Variants in VPS39 observed in about 807,000 individuals in gnomAD.
The protein encoded by VPS39 is VPS39 subunit of HOPS complex.
In VPS39, 70 loss-of-function variants were observed where a neutral mutation model predicts 121.0. The ratio of observed to expected loss-of-function variants is 0.58; its 90% CI spans 0.48 to 0.71. VPS39 has a LOEUF of 0.71. VPS39 is among the 30% of genes least tolerant of loss of function. The probability of loss-of-function intolerance (pLI) is 0.00; values close to 1 mark genes in which losing one functional copy is unlikely to be tolerated. For missense variants in VPS39, 818 were observed against 1,051.5 expected (o/e 0.78, Z 3.07); for synonymous variants, 378 against 398.1 (o/e 0.95, Z 0.60).
At chr15:42,166,964 C>A in intron 13 of VPS39, 51 bp from the exon 14 acceptor site, 2 of 1,609,556 alleles carry the variant, frequency 1.2e-6, no homozygotes, top group South Asian at 1.1e-5. Context: ...GGAGCCCCAC[C>A]CTTCCCTGGC....
At chr15:42,197,398 C>T (rs1595682101) in intron 2 of VPS39, among the ~76,000 whole-genome samples, 1 of 123,748 alleles carries the variant, frequency 8.1e-6, no homozygotes, top group Non-Finnish European at 1.8e-5. Flanking sequence ...AAAAAAGATA[C>T]AAAAATGGGT....
At chr15:42,205,459 C>G (rs1397183465) in intron 1 of VPS39, among the ~76,000 whole-genome samples, 2 of 152,132 alleles carry the variant, frequency 1.3e-5, no homozygotes, top group African/African-American at 4.8e-5. Flanking sequence ...GCCAAGGAAA[C>G]AGCAAATGTA....
intron 19 of VPS39, among the ~76,000 whole-genome samples, chr15:42,164,070 A>T (rs187540537): frequency 5.5e-4 from 84 of 152,358 alleles, no homozygotes; most frequent in Admixed American, 5.0e-3. Flanking sequence ...ATTATGCCAG[A>T]TTACAAAAAC....
chr15:42,166,747 C>T, intron 14 of VPS39, 25 bp downstream of exon 14: 1 of 1,613,408 alleles, frequency 6.2e-7, no homozygotes, highest in Non-Finnish European at 8.5e-7. Flanking sequence ...GAGCCCCTCC[C>T]AGATCCAAGG....
chr15:42,177,154 C>A (rs1478407765), intron 10 of VPS39, among the ~76,000 whole-genome samples: 20 of 128,538 alleles, frequency 1.6e-4, no homozygotes, highest in African/African-American at 5.9e-4. Context: ...CAGAGTGAGA[C>A]CCTGTTTTAA....
At position 42,193,535 on chromosome 15, in the gene VPS39, C is replaced by T. The variant is rs558614766; in HGVS notation, c.140-1975G>A. Reference sequence around the variant, plus strand: ...CGTAAAAAAACATTGGTCTACCTTACACTTTGAATGTATTTTTTACTCATA... The same window carrying T: ...CGTAAAAAAACATTGGTCTACCTTATACTTTGAATGTATTTTTTACTCATA... On this transcript the variant is annotated intron_variant, in intron 2 of 24. Coordinates refer to ENST00000318006, the MANE Select transcript of VPS39 (RefSeq NM_015289.5). Among the ~76,000 whole-genome samples the T allele has an allele frequency of 4.6e-5, 7 of 152,052 alleles. No homozygotes were observed. The South Asian group carries it at 6.2e-4, about 14-fold the overall frequency.
chr15:42,165,296 C>T (rs368842008), intron 17 of VPS39, 183 bp from the exon 18 acceptor site: 102 of 606,560 alleles, frequency 1.7e-4, no homozygotes, highest in Middle Eastern at 8.8e-4. Context: ...GACCCAGTAA[C>T]GTGAGGAGCC....
rs565959870 is a variant in VPS39, at chr15:42,168,091, C to T, written c.1234-554G>A. Among the ~76,000 whole-genome samples the T allele has an allele frequency of 1.7e-4, 26 of 152,292 alleles. No individual in the cohort carries two copies. The South Asian group carries it at 5.4e-3, about 32-fold the overall frequency. ...CCCACCTACTGATCTGCTTTTGATCCCTGGAGATGAGTTTCTGCCTATCCT... is the reference window on the plus strand; with the variant it reads ...CCCACCTACTGATCTGCTTTTGATCTCTGGAGATGAGTTTCTGCCTATCCT... On this transcript the variant is annotated intron_variant, in intron 12 of 24. Transcript: ENST00000318006.
intron 4 of VPS39, 93 bp downstream of exon 4, chr15:42,191,032 T>G: frequency 6.9e-7 from 1 of 1,458,370 alleles, no homozygotes; most frequent in Non-Finnish European, 9.6e-7. Flanking sequence ...AGTTCATTGT[T>G]AAGTAACCAC....
Position 42,208,071 on chromosome 15 carries a change from C to T in VPS39, c.73+10G>A, listed in dbSNP as rs1264051862. 1 of 1,574,434 alleles carries T rather than the reference C, an allele frequency of 6.4e-7. No homozygotes were observed. The highest frequency in any genetic ancestry group is 8.6e-7 in the Non-Finnish European group (1 of 1,159,300). The stretch of plus-strand genomic sequence containing the variant: ...TGACTCCGCCTCGGCCCCGCGGCCC[C>T]TCGGCTCACCCCAGGCAGCCAGACA... On this transcript the variant is annotated intron_variant, in intron 1 of 24. Transcript: ENST00000318006.
intron 10 of VPS39, among the ~76,000 whole-genome samples, chr15:42,177,464 A>C (rs2049478481): frequency 6.6e-6 from 1 of 152,190 alleles, no homozygotes; most frequent in Non-Finnish European, 1.5e-5. Flanking sequence ...AACAACTTGA[A>C]GTAGTTTCAG....
chr15:42,204,910 C>A (rs1008232832), intron 1 of VPS39, among the ~76,000 whole-genome samples: 2 of 152,010 alleles, frequency 1.3e-5, no homozygotes, highest in East Asian at 3.9e-4. Flanking sequence ...GTGAAGTCTG[C>A]ATTTTTTACA....
chr15:42,200,043 T>C (rs1304256421), intron 1 of VPS39, 82 bp from the exon 2 acceptor site: 6 of 1,281,086 alleles, frequency 4.7e-6, no homozygotes, highest in Non-Finnish European at 6.2e-6. Flanking sequence ...TATAACCCTA[T>C]TTTTTTAGCT....
Position 42,187,728 on chromosome 15 carries a change from CAA to C in VPS39, c.441+28_441+29del, listed in dbSNP as rs1566904487. 6 of 1,609,272 alleles carry C rather than the reference CAA, an allele frequency of 3.7e-6. No homozygotes were observed. The African/African-American group carries it at 5.3e-5, about 14-fold the overall frequency. On this transcript the variant is annotated intron_variant, in intron 6 of 24. Coordinates refer to ENST00000318006, the MANE Select transcript of VPS39 (RefSeq NM_015289.5). ...CCGAGCCACTGCAGCAGCTCCCACC[CAA>C]CCATGGACCAAGGAACAGTGGACTT...
chr15:42,163,294 C>G, intron 21 of VPS39, 56 bp downstream of exon 21: 2 of 1,608,168 alleles, frequency 1.2e-6, no homozygotes, highest in South Asian at 1.1e-5. Context: ...CACCTCTGGT[C>G]AAACCAACGG....
intron 1 of VPS39, among the ~76,000 whole-genome samples, chr15:42,203,778 C>G (rs1006513484): frequency 6.6e-6 from 1 of 152,220 alleles, no homozygotes; most frequent in Non-Finnish European, 1.5e-5. Flanking sequence ...GAGGACCTGT[C>G]CCATGTTGGG....
intron 8 of VPS39, chr15:42,178,849 A>AT (rs2049514077): frequency 3.0e-6 from 1 of 336,800 alleles, no homozygotes; most frequent in Admixed American, 4.1e-5. Flanking sequence ...AAAAACATTT[A>AT]TTAAAAAATT....
chr15:42,160,775 C>A lies in VPS39; in HGVS notation c.2607G>T (p.Glu869Asp). ...GVVVHYFCSK[E>D]VNPADT ...GGGCTCAAGTGTCAGCTGGGTTTAC[C>A]TCTTTGGAACAGAAGTAATGGACGA... is the stretch of plus-strand genomic sequence containing the variant. Residue 869 changes from glutamate to aspartate, a missense_variant, in exon 25 of 25, where the codon GAG (glutamate) becomes GAT (aspartate). Glu to Asp is a conservative substitution (Grantham distance 45). Transcript: ENST00000318006. 6.2e-7 allele frequency: 1 copy of A among 1,614,172 alleles called. No individual in the cohort carries two copies. Among genetic ancestry groups the A allele is most frequent in the African/African-American group, 1.3e-5 (1 of 75,044 alleles).
chr15:42,196,583 T>G (rs2049943335), intron 2 of VPS39, among the ~76,000 whole-genome samples: 2 of 152,170 alleles, frequency 1.3e-5, no homozygotes, highest in South Asian at 4.1e-4. Flanking sequence ...ATCATCATCA[T>G]CACTGGCCAT....
Sources: allele counts gnomAD v4.1 joint callset (sites outside exome capture counted in the v4.1 genomes callset), GRCh38; gene constraint gnomAD v4.1.1; transcripts MANE v1.5; gene names NCBI Gene and HGNC (gene_info 2026-07-23, HGNC 2026-07-21).